The following ARHGAP20 variants were observed in gnomAD, a reference collection of about 807,000 sequenced individuals.
The protein encoded by ARHGAP20 is Rho GTPase activating protein 20.
ARHGAP20 carries 34 observed loss-of-function variants against 73.7 expected under a neutral mutation model. The ratio of observed to expected loss-of-function variants is 0.46; its 90% CI spans 0.35 to 0.61. The LOEUF is 0.61. Among genes scored for constraint, ARHGAP20 ranks in the 20% least tolerant of loss-of-function variants. ARHGAP20 has a pLI of 0.00. For missense variants in ARHGAP20, 1,314 were observed against 1,420.9 expected, an observed-to-expected ratio of 0.92 and a Z score of 1.21; for synonymous variants, 523 against 518.2, an observed-to-expected ratio of 1.01 and a Z score of -0.13.
rs139555709 is a variant in ARHGAP20 at position 110,647,670 on chromosome 11, T to C, written c.189-16878A>G. ...AAAAATTTGTTAAAAAGATAAAAAA[T>C]AGAAATGGAAACACACAAAAGTAGT... On this transcript the variant is annotated intron_variant, in intron 2 of 14. Transcript: ENST00000683387. Among the ~76,000 whole-genome samples the C allele has an allele frequency of 4.3e-3, 652 of 152,160 alleles. 2 individuals are homozygous for C. The highest frequency in any genetic ancestry group is 0.015 in the African/African-American group (619 of 41,544).
At position 110,700,897 on chromosome 11, in the gene ARHGAP20, T is replaced by C. The variant is rs905042236; in HGVS notation, c.106-10268A>G. On this transcript the variant is annotated intron_variant, in intron 1 of 14. Coordinates refer to ENST00000683387, the MANE Select transcript of ARHGAP20 (RefSeq NM_001384657.1). ...GAATGATGATTTCCAATTTCATCCATGTCCCTACAAAGGACATGAACTCAT... is the reference window on the plus strand; with the variant it reads ...GAATGATGATTTCCAATTTCATCCACGTCCCTACAAAGGACATGAACTCAT... Among the ~76,000 whole-genome samples the C allele has an allele frequency of 1.8e-4, 28 of 151,888 alleles. 1 individual carries two copies. The highest frequency in any genetic ancestry group is 6.5e-4 in the African/African-American group (27 of 41,412).
intron 1 of ARHGAP20, among the ~76,000 whole-genome samples, chr11:110,704,772 C>T (rs1310880264): frequency 6.6e-6 from 1 of 152,130 alleles, no homozygotes; most frequent in Non-Finnish European, 1.5e-5. Flanking sequence ...TTTCTGAACA[C>T]ATCAGGACCT....
Position 110,590,771 on chromosome 11 carries a change from G to A in ARHGAP20, c.1182C>T (p.Thr394=). 1.2e-6 allele frequency: 2 copies of A among 1,613,620 alleles called. No individual in the cohort carries two copies. Among genetic ancestry groups the A allele is most frequent in the Non-Finnish European group, 1.7e-6 (2 of 1,179,898 alleles). Residue 394 remains threonine (T), a synonymous_variant, in exon 11 of 15, where the codon ACC becomes ACT. Transcript: ENST00000683387. ...LFFLNQKGPL[T]KGIFRQSANV... Reference sequence around the variant, plus strand: ...TGGCTGATTGCCTGAAGATACCTTTGGTGAGAGGTCCTTTTTGATTAAGAA... The same window carrying A: ...TGGCTGATTGCCTGAAGATACCTTTAGTGAGAGGTCCTTTTTGATTAAGAA...
chr11:110,596,035 C>A lies in ARHGAP20; in HGVS notation c.965-3880G>T, dbSNP rs187369183. ...CTTTGACAAACCTGACAAAAACAAG[C>A]AATGGGGAAAGGATTCCCTATTTAA... On this transcript the variant is annotated intron_variant, in intron 9 of 14. Coordinates refer to ENST00000683387, the MANE Select transcript of ARHGAP20 (RefSeq NM_001384657.1). Among the ~76,000 whole-genome samples the A allele has an allele frequency of 9.5e-3, 1,448 of 152,182 alleles. 23 individuals are homozygous for A. Among genetic ancestry groups the A allele is most frequent in the African/African-American group, 0.033 (1,367 of 41,484 alleles).
chr11:110,615,700 C>T, intron 4 of ARHGAP20, 106 bp from the exon 5 acceptor site: 1 of 1,001,518 alleles, frequency 1.0e-6, no homozygotes, highest in Non-Finnish European at 1.5e-6. Flanking sequence ...CCTGTTGTTA[C>T]TAATACAGTT....
chr11:110,605,768 C>T (rs1009446341), intron 9 of ARHGAP20, among the ~76,000 whole-genome samples: 1 of 152,228 alleles, frequency 6.6e-6, no homozygotes, highest in Admixed American at 6.5e-5. Flanking sequence ...TCAAGGTCTA[C>T]GCCATCCCTT....
Position 110,712,415 on chromosome 11 carries a change from C to G in ARHGAP20, c.-184G>C, listed in dbSNP as rs1335146632. On this transcript the variant is annotated 5_prime_UTR_variant, in exon 1 of 15. Coordinates refer to ENST00000683387, the MANE Select transcript of ARHGAP20 (RefSeq NM_001384657.1). Reference sequence around the variant, plus strand: ...GCCATGTACCTCCGCCTGCGCTCGACACCGCGGGCTGGAGGCGAGTGCAGC... The same window carrying G: ...GCCATGTACCTCCGCCTGCGCTCGAGACCGCGGGCTGGAGGCGAGTGCAGC... 6.3e-6 allele frequency: 2 copies of G among 318,706 alleles called. No homozygotes were observed. Among genetic ancestry groups the G allele is most frequent in the African/African-American group, 2.2e-5 (1 of 45,542 alleles). The allele number at this position is 318,706 out of a possible 1,614,324, so 19.7% of individuals were successfully genotyped here. A position where few individuals can be genotyped will look rare whatever the true frequency, so the allele number is the denominator to read the frequency against.
chr11:110,599,290 G>A (rs1052745401), intron 9 of ARHGAP20, among the ~76,000 whole-genome samples: 3 of 152,246 alleles, frequency 2.0e-5, no homozygotes, highest in Admixed American at 6.5e-5. Context: ...CACCTGCTCT[G>A]ATCATGGTGC....
chr11:110,610,768 T>G (rs1452041325), intron 7 of ARHGAP20, among the ~76,000 whole-genome samples: 1 of 152,176 alleles, frequency 6.6e-6, no homozygotes, highest in Non-Finnish European at 1.5e-5. Context: ...ATCCATGATC[T>G]AATTCAAAGC....
In ARHGAP20 at chr11:110,671,777, T is replaced by C. The variant is rs79477538; in HGVS notation, c.188+18770A>G. 1.1e-4 allele frequency among the ~76,000 whole-genome samples: 16 copies of C among 152,190 alleles called. 1 individual carries two copies. In the East Asian group the frequency reaches 3.1e-3, roughly 29 times the overall value. ...GCTAAGTAATCAAGATATTATAATA[T>C]CAGTAAGGAGAGACATGTAGACTGA... On this transcript the variant is annotated intron_variant, in intron 2 of 14. Coordinates refer to ENST00000683387, the MANE Select transcript of ARHGAP20 (RefSeq NM_001384657.1).
chr11:110,682,679 T>C (rs1270105331), intron 2 of ARHGAP20, among the ~76,000 whole-genome samples: 3 of 152,160 alleles, frequency 2.0e-5, no homozygotes, highest in Non-Finnish European at 2.9e-5. Flanking sequence ...TTGACATTAA[T>C]AGATGAGCCA....
chr11:110,629,799 A>C (rs1052629918), intron 3 of ARHGAP20, among the ~76,000 whole-genome samples: 2 of 152,232 alleles, frequency 1.3e-5, no homozygotes, highest in African/African-American at 2.4e-5. Flanking sequence ...TTGGAAGTAG[A>C]TTCTCCAGCT....
intron 4 of ARHGAP20, among the ~76,000 whole-genome samples, chr11:110,616,547 A>C (rs184748359): frequency 1.3e-5 from 2 of 152,062 alleles, no homozygotes; most frequent in Non-Finnish European, 2.9e-5. Flanking sequence ...CTAATTTTCT[A>C]ATCTTTTTAG....
intron 2 of ARHGAP20, among the ~76,000 whole-genome samples, chr11:110,680,645 G>C (rs572221888): frequency 2.6e-5 from 4 of 152,224 alleles, no homozygotes; most frequent in Admixed American, 6.5e-5. Context: ...GAAATTAAAT[G>C]GATGTGCTGT....
rs1947336071 is a variant in ARHGAP20 at position 110,578,082 on chromosome 11, G to C, written c.*1288C>G. The C allele has an allele frequency of 1.0e-6, 1 of 985,288 alleles. No homozygotes were observed. 61.0% of individuals were successfully genotyped at this position (985,288 alleles called of 1,614,324 possible). On this transcript the variant is annotated 3_prime_UTR_variant, in exon 15 of 15. Coordinates refer to ENST00000683387, the MANE Select transcript of ARHGAP20 (RefSeq NM_001384657.1). ...TAGTGCCATCCCTGCATACTAGTTG[G>C]CAAGGCCTGATAATCTATTCCTAGG...
rs193294007 is a variant in ARHGAP20 at position 110,672,473 on chromosome 11, A to G, written c.188+18074T>C. 3.3e-5 allele frequency among the ~76,000 whole-genome samples: 5 copies of G among 151,502 alleles called. No individual in the cohort carries two copies. The East Asian group carries it at 9.7e-4, about 29-fold the overall frequency. On this transcript the variant is annotated intron_variant, in intron 2 of 14. Coordinates refer to ENST00000683387, the MANE Select transcript of ARHGAP20 (RefSeq NM_001384657.1). The stretch of plus-strand genomic sequence containing the variant: ...GGCACCATACACCCACCAGATGGCT[A>G]ATTTTTTTTTTCTTTTCTTTCGAGA...
intron 2 of ARHGAP20, among the ~76,000 whole-genome samples, chr11:110,676,726 T>C (rs1024263278): frequency 2.6e-5 from 4 of 152,196 alleles, no homozygotes; most frequent in African/African-American, 7.2e-5. Context: ...AAAATGTACA[T>C]ACATTAATTT....
chr11:110,615,497 G>A (rs558792592), intron 5 of ARHGAP20, 56 bp downstream of exon 5: 319 of 1,509,894 alleles, frequency 2.1e-4, no homozygotes, highest in Non-Finnish European at 2.6e-4. Context: ...TGCAGAAAAG[G>A]TCTTAATTCA....
At chr11:110,598,179 T>A (rs1399806514) in intron 9 of ARHGAP20, among the ~76,000 whole-genome samples, 3 of 151,782 alleles carry the variant, frequency 2.0e-5, no homozygotes, top group African/African-American at 7.3e-5. Context: ...CACCTTTTTT[T>A]TTTTTTCCCC....
Sources: allele counts gnomAD v4.1 joint callset (sites outside exome capture counted in the v4.1 genomes callset), GRCh38; gene constraint gnomAD v4.1.1; transcripts MANE v1.5; gene names NCBI Gene and HGNC (gene_info 2026-07-23, HGNC 2026-07-21).